Variants in PPARGC1A observed in about 807,000 individuals in gnomAD.
PPARGC1A encodes the protein peroxisome proliferator-activated receptor gamma coactivator 1-alpha.
A neutral mutation model predicts 88.7 loss-of-function variants in PPARGC1A; 25 were observed. The observed-to-expected ratio is 0.28, with a 90% CI of 0.21 to 0.39. PPARGC1A has a LOEUF of 0.39. Among genes scored for constraint, PPARGC1A ranks in the 10% least tolerant of loss-of-function variants. PPARGC1A has a pLI of 1.00. For missense variants in PPARGC1A, 880 were observed against 968.7 expected, an observed-to-expected ratio of 0.91 and a Z score of 1.22; for synonymous variants, 363 against 355.6, an observed-to-expected ratio of 1.02 and a Z score of -0.24.
At chr4:24,233,730 T>C in the PPARGC1A span, among the ~76,000 whole-genome samples, 1 of 152,080 alleles carries the variant, frequency 6.6e-6, no homozygotes, top group Non-Finnish European at 1.5e-5. Context: ...TTTCTATAAA[T>C]GTGCTTCAAT....
chr4:24,429,230 A>G, the PPARGC1A span, among the ~76,000 whole-genome samples: 2 of 152,176 alleles, frequency 1.3e-5, no homozygotes, highest in South Asian at 4.2e-4. Flanking sequence ...TGTGCTGTGT[A>G]TACACTTGCT....
intron 2 of PPARGC1A, among the ~76,000 whole-genome samples, chr4:23,857,348 A>G (rs1730351607): frequency 8.2e-6 from 1 of 122,378 alleles, no homozygotes; most frequent in African/African-American, 3.1e-5. Flanking sequence ...CATAAAATCT[A>G]TTTAGTATGT....
At chr4:23,829,651 G>A in intron 3 of PPARGC1A, 66 bp from the exon 4 acceptor site, 1 of 1,445,930 alleles carries the variant, frequency 6.9e-7, no homozygotes. Flanking sequence ...ATTGGAATAA[G>A]TTATTGAAAT....
intron 10 of PPARGC1A, 50 bp downstream of exon 10, chr4:23,812,697 A>G (rs1721144141): frequency 6.2e-7 from 1 of 1,604,436 alleles, no homozygotes. Context: ...AAGCACACAG[A>G]AAAAGAAGAA....
the PPARGC1A span, among the ~76,000 whole-genome samples, chr4:24,229,843 CA>C: frequency 0.13 from 17,174 of 130,756 alleles, 1,245 homozygotes; most frequent in East Asian, 0.33. Flanking sequence ...AAAACTGTCT[CA>C]AAAAAAAAAA....
chr4:24,168,424 C>T, the PPARGC1A span, among the ~76,000 whole-genome samples: 3 of 152,186 alleles, frequency 2.0e-5, no homozygotes, highest in African/African-American at 7.2e-5. Flanking sequence ...TAAGATAACT[C>T]CTTGAGGCCT....
chr4:24,119,115 C>G, the PPARGC1A span, among the ~76,000 whole-genome samples: 1 of 152,154 alleles, frequency 6.6e-6, no homozygotes, highest in Non-Finnish European at 1.5e-5. Context: ...GATGGTGAGC[C>G]TGCTTTCCTT....
the PPARGC1A span, among the ~76,000 whole-genome samples, chr4:24,238,205 A>G: frequency 2.0e-5 from 3 of 152,118 alleles, no homozygotes; most frequent in Admixed American, 1.3e-4. Context: ...ATCTCTAACC[A>G]CTACACACAG....
At chr4:23,819,657 A>G (rs1424066049) in intron 7 of PPARGC1A, among the ~76,000 whole-genome samples, 1 of 152,168 alleles carries the variant, frequency 6.6e-6, no homozygotes, top group African/African-American at 2.4e-5. Flanking sequence ...AAAATTAGGA[A>G]TAAAGGAATT....
At chr4:24,433,893 T>A in the PPARGC1A span, among the ~76,000 whole-genome samples, 252 of 152,250 alleles carry the variant, frequency 1.7e-3, 1 homozygote, top group African/African-American at 6.0e-3. Context: ...GTTCTCCTGG[T>A]TCTTATAAAG....
chr4:24,089,182 G>C, the PPARGC1A span, among the ~76,000 whole-genome samples: 1 of 152,142 alleles, frequency 6.6e-6, no homozygotes, highest in Non-Finnish European at 1.5e-5. Context: ...TACTTCCTCA[G>C]CTGCATTACT....
chr4:24,445,262 G>A, the PPARGC1A span, among the ~76,000 whole-genome samples: 2 of 152,218 alleles, frequency 1.3e-5, no homozygotes, highest in Non-Finnish European at 2.9e-5. Flanking sequence ...TCACAGGTGT[G>A]AATAAGATCT....
chr4:23,979,903 A>C, the PPARGC1A span, among the ~76,000 whole-genome samples: 6 of 152,106 alleles, frequency 3.9e-5, no homozygotes, highest in South Asian at 1.2e-3. Context: ...ATCTCTCTGG[A>C]GAACCATCCC....
chr4:24,171,463 C>T, the PPARGC1A span, among the ~76,000 whole-genome samples: 1 of 152,004 alleles, frequency 6.6e-6, no homozygotes, highest in African/African-American at 2.4e-5. Flanking sequence ...TCTTTCACTG[C>T]TTAATTTTTT....
the PPARGC1A span, among the ~76,000 whole-genome samples, chr4:24,305,158 C>CATAATATATATATATACATACACAT: frequency 8.4e-6 from 1 of 119,064 alleles, no homozygotes; most frequent in Admixed American, 8.6e-5. Context: ...TACATACACA[C>CATAATATATATATATACATACACAT]ATATATATGT....
chr4:24,016,440 T>C, the PPARGC1A span, among the ~76,000 whole-genome samples: 1 of 152,168 alleles, frequency 6.6e-6, no homozygotes, highest in Non-Finnish European at 1.5e-5. Flanking sequence ...TAAACATACA[T>C]GAAAATGTTC....
chr4:24,228,629 AC>A, the PPARGC1A span, among the ~76,000 whole-genome samples: 1 of 152,214 alleles, frequency 6.6e-6, no homozygotes, highest in South Asian at 2.1e-4. Flanking sequence ...AGGCTCATGT[AC>A]CCTCTGAATC....
At chr4:24,166,696 C>A in the PPARGC1A span, among the ~76,000 whole-genome samples, 1 of 152,174 alleles carries the variant, frequency 6.6e-6, no homozygotes, top group African/African-American at 2.4e-5. Context: ...TATATTGTGT[C>A]TCTGCTCTAT....
At chr4:24,134,950 C>T in the PPARGC1A span, among the ~76,000 whole-genome samples, 2 of 152,294 alleles carry the variant, frequency 1.3e-5, no homozygotes, top group African/African-American at 4.8e-5. Flanking sequence ...ACTTTTGGAG[C>T]TACTTAATTC....
Sources: allele counts gnomAD v4.1 joint callset (sites outside exome capture counted in the v4.1 genomes callset), GRCh38; gene constraint gnomAD v4.1.1; transcripts MANE v1.5; gene names NCBI Gene and HGNC (gene_info 2026-07-23, HGNC 2026-07-21).